The following GRM4 variants were observed in gnomAD, a reference collection of about 807,000 sequenced individuals.
GRM4 encodes glutamate metabotropic receptor 4.
Under a neutral mutation model 81.7 loss-of-function variants are expected in GRM4, and 28 were observed. That is an observed-to-expected ratio of 0.34 (90% CI 0.25 to 0.47). The LOEUF (loss-of-function observed/expected upper bound fraction) is 0.47, where lower values mean the gene tolerates loss of function less well. GRM4 is among the 20% of genes least tolerant of loss of function. The pLI is 1.00. For synonymous variants in GRM4, 488 were observed against 528.8 expected, an observed-to-expected ratio of 0.92 and a Z score of 1.06; for missense variants, 948 against 1,290.0, an observed-to-expected ratio of 0.73 and a Z score of 4.06.
At chr6:34,154,356 G>A (rs1334084322) in intron 1 of GRM4, among the ~76,000 whole-genome samples, 1 of 152,026 alleles carries the variant, frequency 6.6e-6, no homozygotes, top group Non-Finnish European at 1.5e-5. Context: ...CCTTCTCTTC[G>A]GCACCCAAAA....
rs1055545636 is a variant in GRM4, at chr6:34,048,465, G to C, written c.1169-7717C>G. Among the ~76,000 whole-genome samples the C allele has an allele frequency of 6.6e-6, 1 of 151,936 alleles. No homozygotes were observed. Among genetic ancestry groups the C allele is most frequent in the African/African-American group, 2.4e-5 (1 of 41,370 alleles). On this transcript the variant is annotated intron_variant, in intron 6 of 10. Coordinates refer to ENST00000538487, the MANE Select transcript of GRM4 (RefSeq NM_000841.4). This position sits in a 1 kb window ranked among gnomAD's most constrained non-coding sequence, Gnocchi z 4.0. The stretch of plus-strand genomic sequence containing the variant: ...CACACAGGAGGGGCTGGGGCTGGGG[G>C]TGGGGGAACTCTGGGGACTGACTCT...
intron 3 of GRM4, among the ~76,000 whole-genome samples, chr6:34,076,501 C>A (rs1767320680): frequency 1.3e-5 from 2 of 152,358 alleles, no homozygotes; most frequent in South Asian, 4.1e-4. Context: ...AATCCCTTCA[C>A]TCCACCAAGC....
At chr6:34,110,733 G>A in intron 2 of GRM4, 1 of 1,507,426 alleles carries the variant, frequency 6.6e-7, no homozygotes, top group Non-Finnish European at 8.8e-7. Flanking sequence ...TGGGCTGGTA[G>A]CACCTGCAGC....
chr6:34,045,974 G>A (rs976881593), intron 6 of GRM4, among the ~76,000 whole-genome samples: 3 of 152,172 alleles, frequency 2.0e-5, no homozygotes, highest in African/African-American at 2.4e-5. Context: ...TCAAAACCCC[G>A]AAGCGTGGTT....
rs532185992 is a variant in GRM4, at chr6:34,136,962, G to C, written c.-363-3103C>G. On this transcript the variant is annotated intron_variant, in intron 1 of 10. Transcript: ENST00000538487. This position sits in a 1 kb window ranked among gnomAD's most constrained non-coding sequence, Gnocchi z 4.1. ...GGGTGGGTTGGGGTGGGGGCCAGGC[G>C]GATGCTCCCTTCCCCCGCAGGGCCT... is the stretch of plus-strand genomic sequence containing the variant. 2.6e-5 allele frequency among the ~76,000 whole-genome samples: 4 copies of C among 152,178 alleles called. No homozygotes were observed. Among genetic ancestry groups the C allele is most frequent in the Non-Finnish European group, 2.9e-5 (2 of 68,018 alleles).
At chr6:34,122,506 A>G (rs1410021456) in intron 2 of GRM4, among the ~76,000 whole-genome samples, 1 of 152,060 alleles carries the variant, frequency 6.6e-6, no homozygotes, top group Non-Finnish European at 1.5e-5. Flanking sequence ...CAATTGGAAT[A>G]TAAAGCAGAA....
In GRM4 at chr6:34,092,154, C is replaced by G. The variant is rs531755665; in HGVS notation, c.520-55G>C. ...GCGACTGGCTCCCCACCCTGCCTAG[C>G]CAGCCCCATTCCCCTACACACCAAC... is the stretch of plus-strand genomic sequence containing the variant. On this transcript the variant is annotated intron_variant, in intron 2 of 10. Transcript: ENST00000538487. The surrounding 1 kb of genome is among the most constrained non-coding windows in gnomAD (Gnocchi z 6.8). The G allele has an allele frequency of 8.6e-5, 107 of 1,237,072 alleles. No individual in the cohort carries two copies. The African/African-American group carries it at 1.5e-3, about 18-fold the overall frequency. 76.6% of individuals were successfully genotyped at this position (1,237,072 alleles called of 1,614,324 possible).
At chr6:34,129,230 G>T (rs1268291371) in intron 2 of GRM4, among the ~76,000 whole-genome samples, 1 of 152,164 alleles carries the variant, frequency 6.6e-6, no homozygotes. Flanking sequence ...GTCCAGGCTG[G>T]TCTCGAACTC....
rs80302133 is a variant in GRM4 at position 34,140,003 on chromosome 6, C to T, written c.-364+5997G>A. 8.5e-3 allele frequency among the ~76,000 whole-genome samples: 1,297 copies of T among 152,036 alleles called. 12 individuals carry two copies. Among genetic ancestry groups the T allele is most frequent in the African/African-American group, 0.029 (1,210 of 41,450 alleles). The stretch of plus-strand genomic sequence containing the variant: ...CGTCCCAAAGCGGGTGGGCACAGGA[C>T]GAACAACAAATACCTGAACATATAG... On this transcript the variant is annotated intron_variant, in intron 1 of 10. Transcript: ENST00000538487.
intron 1 of GRM4, among the ~76,000 whole-genome samples, chr6:34,153,110 G>C (rs1053695884): frequency 1.1e-4 from 16 of 152,120 alleles, no homozygotes; most frequent in African/African-American, 3.6e-4. Context: ...CACCTGCTGA[G>C]ACATATGGAC....
rs1204475483 is a variant in GRM4, at chr6:34,064,103, C to T, written c.737-2075G>A. On this transcript the variant is annotated intron_variant, in intron 3 of 10. Transcript: ENST00000538487. This position sits in a 1 kb window ranked among gnomAD's most constrained non-coding sequence, Gnocchi z 4.4. ...GATTAGGTGACCACGGCTCAGTCAG[C>T]GGGAGTGTGAGTGAGCCACAAGCAA... Among the ~76,000 whole-genome samples the T allele has an allele frequency of 1.3e-5, 2 of 151,970 alleles. No individual in the cohort carries two copies. The highest frequency in any genetic ancestry group is 2.4e-5 in the African/African-American group (1 of 41,338).
At chr6:34,120,996 AT>A (rs1769788263) in intron 2 of GRM4, among the ~76,000 whole-genome samples, 1 of 152,060 alleles carries the variant, frequency 6.6e-6, no homozygotes, top group African/African-American at 2.4e-5. Flanking sequence ...ATCCTCTATA[AT>A]TTTCCATATG....
At chr6:34,112,455 C>T (rs1769424878) in intron 2 of GRM4, among the ~76,000 whole-genome samples, 1 of 152,192 alleles carries the variant, frequency 6.6e-6, no homozygotes, top group Admixed American at 6.5e-5. Context: ...AGGCAGTTAA[C>T]TCAACCACCC....
intron 10 of GRM4, among the ~76,000 whole-genome samples, chr6:34,027,425 A>G (rs1477718486): frequency 6.6e-6 from 1 of 151,970 alleles, no homozygotes; most frequent in Non-Finnish European, 1.5e-5. Context: ...CCCACCACAA[A>G]GCATGACCCT....
chr6:34,110,330 C>A (rs796578249), intron 2 of GRM4, among the ~76,000 whole-genome samples: 3,220 of 75,578 alleles, frequency 0.043, 131 homozygotes, highest in African/African-American at 0.15. Flanking sequence ...AAAAAAAAAA[C>A]CCCACATGGT....
intron 2 of GRM4, among the ~76,000 whole-genome samples, chr6:34,101,266 A>G (rs1768822556): frequency 6.6e-6 from 1 of 152,080 alleles, no homozygotes; most frequent in Non-Finnish European, 1.5e-5. Context: ...GCACCTTAAC[A>G]CCTTCAATCT....
intron 2 of GRM4, among the ~76,000 whole-genome samples, chr6:34,118,487 A>G (rs544518700): frequency 1.3e-5 from 2 of 152,290 alleles, no homozygotes; most frequent in South Asian, 4.1e-4. Context: ...GTGGCCCCCC[A>G]CACATTAACT....
intron 3 of GRM4, chr6:34,091,607 G>A (rs908806311): frequency 8.3e-5 from 39 of 469,864 alleles, no homozygotes; most frequent in African/African-American, 4.9e-4. Flanking sequence ...GAGAGCGGCC[G>A]CCCCGCAGGC....
intron 4 of GRM4, chr6:34,061,624 A>C: frequency 2.6e-6 from 1 of 390,512 alleles, no homozygotes; most frequent in East Asian, 4.2e-5. Context: ...TCACGGCCTC[A>C]GCCCTCTGTT....
Sources: gnomAD v4.1 joint callset for allele counts (sites outside exome capture counted in the v4.1 genomes callset) on GRCh38, gnomAD v4.1.1 for gene constraint, Gnocchi (gnomAD v3.1) non-coding constraint, MANE v1.5 for transcripts, NCBI Gene and HGNC (gene_info 2026-07-23, HGNC 2026-07-21) for gene names.